IQSEC1: variants seen among roughly 807,000 people sequenced by gnomAD.
IQSEC1 encodes the protein IQ motif and SEC7 domain-containing protein 1.
A neutral mutation model predicts 91.0 loss-of-function variants in IQSEC1; 31 were observed. That is an observed-to-expected ratio of 0.34 (90% confidence interval 0.26 to 0.46). The LOEUF (loss-of-function observed/expected upper bound fraction) is 0.46. IQSEC1 is among the 20% of genes least tolerant of loss of function. The pLI is 1.00. For missense variants in IQSEC1, 1,388 were observed against 1,575.6 expected (o/e 0.88, Z 2.02); for synonymous variants, 699 against 662.6 (o/e 1.05, Z -0.84).
upstream of IQSEC1, among the ~76,000 whole-genome samples, chr3:13,076,663 G>T (rs914022832): frequency 2.0e-5 from 3 of 152,060 alleles, no homozygotes; most frequent in Non-Finnish European, 4.4e-5. Context: ...CCGCTGCTCC[G>T]TTCCAACTGT....
intron 12 of IQSEC1, among the ~76,000 whole-genome samples, chr3:12,906,096 G>A (rs1298456026): frequency 6.6e-6 from 1 of 152,152 alleles, no homozygotes; most frequent in Non-Finnish European, 1.5e-5. Context: ...CACCATCTAC[G>A]GCCACTTCAT....
rs1486196742 is a variant in IQSEC1 at position 12,908,704 on chromosome 3, C to G, written c.2579-179G>C. On this transcript the variant is annotated intron_variant, in intron 11 of 13. Coordinates refer to ENST00000613206, the MANE Select transcript of IQSEC1 (RefSeq NM_001134382.3). This position sits in a 1 kb window ranked among gnomAD's most constrained non-coding sequence, Gnocchi z 4.9. ...CTGGACAAAAGAGCAGAAAGGAGAT[C>G]CCAGGAGGGAGGCTAGAGAGACCAG... Among the ~76,000 whole-genome samples the G allele has an allele frequency of 6.6e-6, 1 of 151,770 alleles. No homozygotes were observed. The highest frequency in any genetic ancestry group is 1.5e-5 in the Non-Finnish European group (1 of 67,918).
chr3:12,991,071 C>T (rs1701966408), intron 1 of IQSEC1, among the ~76,000 whole-genome samples: 1 of 152,176 alleles, frequency 6.6e-6, no homozygotes, highest in African/African-American at 2.4e-5. Context: ...CTGAATAGCC[C>T]CGAGGCAGGG....
At chr3:13,137,514 T>C (rs1706730699) in intron 2 of IQSEC1, among the ~76,000 whole-genome samples, 1 of 152,332 alleles carries the variant, frequency 6.6e-6, no homozygotes, top group African/African-American at 2.4e-5. Context: ...CAGTAACCTG[T>C]GAGCAACAGA....
chr3:13,002,348 A>G (rs1252766185), intron 1 of IQSEC1, among the ~76,000 whole-genome samples: 1 of 152,200 alleles, frequency 6.6e-6, no homozygotes, highest in African/African-American at 2.4e-5. Flanking sequence ...GGACTTCATG[A>G]AAATTAAAAA....
At chr3:13,221,972 G>A (rs1244644500) in intron 1 of IQSEC1, among the ~76,000 whole-genome samples, 1 of 152,224 alleles carries the variant, frequency 6.6e-6, no homozygotes, top group Non-Finnish European at 1.5e-5. Context: ...AAACACCCCA[G>A]CCTACAGCCC....
At chr3:12,911,951 A>G (rs1200911440) in intron 9 of IQSEC1, among the ~76,000 whole-genome samples, 1 of 152,200 alleles carries the variant, frequency 6.6e-6, no homozygotes. Flanking sequence ...AACCTGACAT[A>G]GAGGCGGTAG....
chr3:13,020,250 TGGGGCAGGGGCA>T (rs376181385), intron 1 of IQSEC1, among the ~76,000 whole-genome samples: 2 of 152,120 alleles, frequency 1.3e-5, no homozygotes, highest in Non-Finnish European at 2.9e-5. Flanking sequence ...TCCCGGGGTC[TGGGGCAGGGGCA>T]GGGGCAGGGG....
At chr3:13,262,244 T>C (rs1695403159) in intron 1 of IQSEC1, among the ~76,000 whole-genome samples, 1 of 152,184 alleles carries the variant, frequency 6.6e-6, no homozygotes, top group Non-Finnish European at 1.5e-5. Context: ...CTCAACACTT[T>C]CCTGTCTTCT....
intron 2 of IQSEC1, among the ~76,000 whole-genome samples, chr3:13,101,342 G>A (rs2004024): frequency 0.17 from 25,462 of 150,868 alleles, 2,284 homozygotes; most frequent in East Asian, 0.23. Context: ...TTAGCCGGGC[G>A]TGGTGGCGGG....
chr3:12,925,938 C>A (rs1697085272), intron 3 of IQSEC1, among the ~76,000 whole-genome samples: 1 of 152,234 alleles, frequency 6.6e-6, no homozygotes, highest in Admixed American at 6.5e-5. Context: ...CCCCTTCTCC[C>A]TTGGGGCCTC....
At chr3:12,914,858 C>T in intron 8 of IQSEC1, among the ~76,000 whole-genome samples, 1 of 152,000 alleles carries the variant, frequency 6.6e-6, no homozygotes. Context: ...GGCGCAGGGT[C>T]TGGGGGCTGG....
chr3:13,072,741 T>A (rs1011077971), intron 1 of IQSEC1, among the ~76,000 whole-genome samples: 2 of 152,198 alleles, frequency 1.3e-5, no homozygotes, highest in Non-Finnish European at 2.9e-5. Flanking sequence ...GGATACCTGC[T>A]CTCACAGTTG....
intron 2 of IQSEC1, among the ~76,000 whole-genome samples, chr3:13,110,942 C>T (rs1003750639): frequency 6.6e-6 from 1 of 152,192 alleles, no homozygotes; most frequent in South Asian, 2.1e-4. Flanking sequence ...GGGGGAATTA[C>T]CGCACCAGCT....
chr3:12,900,719 T>A lies in IQSEC1; in HGVS notation c.*264A>T. ...AACACTACTTGGCTGGCTCACCGTT[T>A]CAAGGCTGATGGTGTCTGAGGCCCA... On this transcript the variant is annotated 3_prime_UTR_variant, in exon 14 of 14. Coordinates refer to ENST00000613206, the MANE Select transcript of IQSEC1 (RefSeq NM_001134382.3). 1 of 1,397,238 alleles carries A rather than the reference T, an allele frequency of 7.2e-7. No individual in the cohort carries two copies. Among genetic ancestry groups the A allele is most frequent in the Non-Finnish European group, 9.3e-7 (1 of 1,077,346 alleles). The allele number at this position is 1,397,238 out of a possible 1,614,324, so 86.6% of individuals were successfully genotyped here.
intron 1 of IQSEC1, among the ~76,000 whole-genome samples, chr3:12,991,189 C>T (rs1044663037): frequency 2.6e-5 from 4 of 152,076 alleles, no homozygotes; most frequent in African/African-American, 4.8e-5. Context: ...GGTATCCCCG[C>T]GGGGAAGATT....
At chr3:12,914,170 C>T (rs552934496) in intron 8 of IQSEC1, among the ~76,000 whole-genome samples, 1 of 152,352 alleles carries the variant, frequency 6.6e-6, no homozygotes, top group South Asian at 2.1e-4. Context: ...TGGCACTTGC[C>T]CTGGACCCGT....
At chr3:13,252,178 C>A (rs1249721815) in intron 1 of IQSEC1, among the ~76,000 whole-genome samples, 2 of 152,140 alleles carry the variant, frequency 1.3e-5, no homozygotes, top group African/African-American at 4.8e-5. Flanking sequence ...AAACTCTGCC[C>A]CCATTAAACA....
intron 1 of IQSEC1, among the ~76,000 whole-genome samples, chr3:12,999,590 T>C (rs1158008157): frequency 6.6e-6 from 1 of 152,168 alleles, no homozygotes; most frequent in Non-Finnish European, 1.5e-5. Flanking sequence ...AAGCGTCATG[T>C]TGGGAAACAA....
Sources: gnomAD v4.1 joint callset for allele counts (sites outside exome capture counted in the v4.1 genomes callset) on GRCh38, gnomAD v4.1.1 for gene constraint, Gnocchi (gnomAD v3.1) non-coding constraint, MANE v1.5 for transcripts, NCBI Gene and HGNC (gene_info 2026-07-23, HGNC 2026-07-21) for gene names.